SOX6: variants seen among roughly 807,000 people sequenced by gnomAD.
SOX6 encodes transcription factor SOX-6.
SOX6 carries 11 observed loss-of-function variants against 97.8 expected under a neutral mutation model. The ratio of observed to expected loss-of-function variants is 0.11; its 90% CI spans 0.07 to 0.19. The LOEUF is 0.19. Among genes scored for constraint, SOX6 ranks in the 10% least tolerant of loss-of-function variants. The pLI is 1.00. For synonymous variants in SOX6, 360 were observed against 371.4 expected, an observed-to-expected ratio of 0.97 and a Z score of 0.35; for missense variants, 810 against 1,039.5, an observed-to-expected ratio of 0.78 and a Z score of 3.04.
intron 2 of SOX6, among the ~76,000 whole-genome samples, chr11:16,728,270 T>G (rs1207583865): frequency 6.6e-6 from 1 of 152,168 alleles, no homozygotes; most frequent in African/African-American, 2.4e-5. Flanking sequence ...CTGACCCCAG[T>G]GCCTCTTGAC....
intron 3 of SOX6, among the ~76,000 whole-genome samples, chr11:16,621,018 C>T (rs1169137032): frequency 6.6e-6 from 1 of 152,186 alleles, no homozygotes; most frequent in Non-Finnish European, 1.5e-5. Flanking sequence ...TGAACTTTCT[C>T]ATTCTGCTTT....
chr11:16,357,185 T>C (rs1365010960), upstream of SOX6, among the ~76,000 whole-genome samples: 3 of 152,108 alleles, frequency 2.0e-5, no homozygotes, highest in Non-Finnish European at 2.9e-5. Flanking sequence ...TTGGTACTAC[T>C]ATAGTTTGGC....
intron 4 of SOX6, among the ~76,000 whole-genome samples, chr11:16,527,544 C>T (rs532279369): frequency 1.3e-5 from 2 of 152,240 alleles, no homozygotes; most frequent in East Asian, 3.9e-4. Context: ...CACCCTTTGC[C>T]ATGTGACTTC....
intron 4 of SOX6, among the ~76,000 whole-genome samples, chr11:16,583,614 C>CATATATACATATATAT (rs1554976095): frequency 2.6e-4 from 27 of 104,702 alleles, no homozygotes; most frequent in Admixed American, 4.0e-4. Context: ...TATATATATA[C>CATATATACATATATAT]ATATATATAT....
intron 1 of SOX6, among the ~76,000 whole-genome samples, chr11:16,431,303 A>C (rs138701207): frequency 2.4e-4 from 37 of 152,258 alleles, no homozygotes; most frequent in African/African-American, 7.5e-4. Context: ...ACTAGAATAT[A>C]AACTTAATGA....
At chr11:16,192,358 T>C (rs901877567) in intron 4 of SOX6, among the ~76,000 whole-genome samples, 2 of 152,206 alleles carry the variant, frequency 1.3e-5, no homozygotes, top group African/African-American at 4.8e-5. Context: ...CTTAGGGGCC[T>C]TTATTCCAGT....
At chr11:16,280,505 C>T (rs986427314) in intron 3 of SOX6, among the ~76,000 whole-genome samples, 4 of 152,014 alleles carry the variant, frequency 2.6e-5, no homozygotes, top group South Asian at 4.1e-4. Flanking sequence ...GCACCCTTCA[C>T]TTTGTGGCAA....
chr11:16,609,377 G>A (rs1848371637), intron 4 of SOX6, among the ~76,000 whole-genome samples: 1 of 152,190 alleles, frequency 6.6e-6, no homozygotes, highest in African/African-American at 2.4e-5. Flanking sequence ...ATTTGTGAAG[G>A]AGAGATCCTT....
intron 7 of SOX6, among the ~76,000 whole-genome samples, chr11:16,107,625 AGACTAAG>A (rs1383326648): frequency 1.3e-5 from 2 of 151,728 alleles, no homozygotes; most frequent in Non-Finnish European, 2.9e-5. Flanking sequence ...AGGTTACCAG[AGACTAAG>A]GGTAGAGGGA....
intron 9 of SOX6, among the ~76,000 whole-genome samples, chr11:16,095,112 G>A (rs1484667398): frequency 4.6e-5 from 7 of 151,820 alleles, no homozygotes; most frequent in Non-Finnish European, 1.0e-4. Context: ...CCCATCCTAG[G>A]TTGGACTATA....
At chr11:16,481,179 G>A (rs1408195517), upstream of SOX6, among the ~76,000 whole-genome samples, 2 of 151,920 alleles carry the variant, frequency 1.3e-5, no homozygotes, top group African/African-American at 4.8e-5. Flanking sequence ...TTAAACCCAT[G>A]TTTATTGAAC....
At chr11:16,389,673 T>A (rs1160481079) in intron 1 of SOX6, among the ~76,000 whole-genome samples, 9 of 151,910 alleles carry the variant, frequency 5.9e-5, no homozygotes, top group Non-Finnish European at 1.3e-4. Context: ...AGTATTGCAG[T>A]TTAAGAAGCT....
intron 15 of SOX6, among the ~76,000 whole-genome samples, chr11:15,982,569 C>T (rs185972585): frequency 6.1e-4 from 93 of 152,152 alleles, no homozygotes; most frequent in African/African-American, 2.1e-3. Context: ...AACCTACACA[C>T]ATCCCCTATA....
At chr11:16,158,801 A>C (rs1169383714) in intron 6 of SOX6, among the ~76,000 whole-genome samples, 1 of 152,078 alleles carries the variant, frequency 6.6e-6, no homozygotes, top group Middle Eastern at 3.4e-3. Flanking sequence ...TATATTTGCC[A>C]AAGTATTTCT....
chr11:16,289,941 T>G (rs1454747279), intron 3 of SOX6, among the ~76,000 whole-genome samples: 1 of 152,014 alleles, frequency 6.6e-6, no homozygotes, highest in East Asian at 1.9e-4. Context: ...GAAGTCTAAT[T>G]AAGATGATTA....
chr11:16,486,969 T>C (rs1860446056), intron 4 of SOX6, among the ~76,000 whole-genome samples: 1 of 152,134 alleles, frequency 6.6e-6, no homozygotes, highest in Non-Finnish European at 1.5e-5. Flanking sequence ...AATTCTATGA[T>C]ACTGAGAATT....
chr11:15,996,055 C>T (rs1333713844), intron 13 of SOX6, among the ~76,000 whole-genome samples: 17 of 152,004 alleles, frequency 1.1e-4, no homozygotes, highest in Non-Finnish European at 1.5e-5. Context: ...GATTTGTGAC[C>T]ATTTTTTCTT....
intron 2 of SOX6, among the ~76,000 whole-genome samples, chr11:16,719,616 G>A (rs1422413929): frequency 6.6e-6 from 1 of 152,176 alleles, no homozygotes; most frequent in African/African-American, 2.4e-5. Flanking sequence ...TTTGAGGTGA[G>A]TATAAACTTC....
At chr11:15,981,538 C>T (rs1048635271) in intron 15 of SOX6, among the ~76,000 whole-genome samples, 8 of 151,952 alleles carry the variant, frequency 5.3e-5, no homozygotes, top group African/African-American at 1.4e-4. Flanking sequence ...TAAGCCTATA[C>T]GTCACATATC....
Sources: allele counts gnomAD v4.1 joint callset (sites outside exome capture counted in the v4.1 genomes callset), GRCh38; gene constraint gnomAD v4.1.1; transcripts MANE v1.5; gene names NCBI Gene and HGNC (gene_info 2026-07-23, HGNC 2026-07-21).